Variants in ZNF615 observed in about 807,000 individuals in gnomAD.
The protein encoded by ZNF615 is zinc finger protein 615.
A neutral mutation model predicts 15.3 loss-of-function variants in ZNF615; 15 were observed. The ratio of observed to expected loss-of-function variants is 0.98; its 90% CI spans 0.66 to 1.51. ZNF615 has a LOEUF of 1.51. Among genes scored for constraint, ZNF615 ranks in the 40% most tolerant of loss-of-function variants. The pLI is 0.00. For synonymous variants in ZNF615, 268 were observed against 294.6 expected, an observed-to-expected ratio of 0.91 and a Z score of 0.92; for missense variants, 848 against 895.9, an observed-to-expected ratio of 0.95 and a Z score of 0.68.
Position 52,003,814 on chromosome 19 carries a change from G to C in ZNF615, c.-103C>G. ...TTCAAAAACTTCAATCTCCAATCAA[G>C]GATGTCCCCAGAAATGATGACACCC... is the stretch of plus-strand genomic sequence containing the variant. On this transcript the variant is annotated 5_prime_UTR_variant, in exon 3 of 7. Coordinates refer to ENST00000598071, the MANE Select transcript of ZNF615 (RefSeq NM_001199324.2). The C allele has an allele frequency of 6.4e-7, 1 of 1,573,868 alleles. No homozygotes were observed. The highest frequency in any genetic ancestry group is 1.2e-5 in the South Asian group (1 of 83,700).
chr19:52,002,281 C>T lies in ZNF615; in HGVS notation c.16G>A (p.Glu6Lys). The change falls in exon 4 of 7, where the codon GAA (glutamate) becomes AAA (lysine). Residue 6 changes from glutamate to lysine, a missense_variant and splice_region_variant. Transcript: ENST00000598071. MMQAQ[E>K]SLTLEDVAVD... ...GCCACATCCTCCAGTGTTAGGGATT[C>T]CTGTAATAACACACTTCTGTTTAAT... 6.2e-7 allele frequency: 1 copy of T among 1,614,100 alleles called. No individual in the cohort carries two copies. Among genetic ancestry groups the T allele is most frequent in the Non-Finnish European group, 8.5e-7 (1 of 1,179,978 alleles).
Position 51,996,402 on chromosome 19 carries a change from A to AAAAAAAAAAAAAAC in ZNF615, c.272-1566_272-1565insGTTTTTTTTTTTTT, listed in dbSNP as rs1555771241. Among the ~76,000 whole-genome samples, 77 of 134,344 alleles carry AAAAAAAAAAAAAAC rather than the reference A, an allele frequency of 5.7e-4. 4 individuals are homozygous for AAAAAAAAAAAAAAC. The highest frequency in any genetic ancestry group is 1.0e-3 in the South Asian group (4 of 3,878). 88.1% of individuals were successfully genotyped at this position (134,344 alleles called of 152,430 possible). On this transcript the variant is annotated intron_variant, in intron 6 of 6. Coordinates refer to ENST00000598071, the MANE Select transcript of ZNF615 (RefSeq NM_001199324.2). ...CTCTGTCTCAAAAAAAAAAAAAAAA[A>AAAAAAAAAAAAAAC]AAAAAACGCAAAACTATATGGCTTC...
Position 51,993,971 on chromosome 19 carries a change from C to T in ZNF615, c.1138G>A (p.Glu380Lys). 1 of 1,612,420 alleles carries T rather than the reference C, an allele frequency of 6.2e-7. No individual in the cohort carries two copies. The highest frequency in any genetic ancestry group is 1.1e-5 in the South Asian group (1 of 90,802). ...LTAHHRTHTG[E>K]KPFICNKCGK... is the part of the protein sequence containing the mutation. ...CATTTATTGCATATAAAGGGTTTCT[C>T]ACCAGTATGAGTTCGATGATGTGCA... is the stretch of plus-strand genomic sequence containing the variant. Residue 380 changes from glutamate to lysine, a missense_variant, in exon 7 of 7, where the codon GAG (glutamate) becomes AAG (lysine). Coordinates refer to ENST00000598071, the MANE Select transcript of ZNF615 (RefSeq NM_001199324.2).
intron 6 of ZNF615, among the ~76,000 whole-genome samples, chr19:51,999,172 T>C (rs978618697): frequency 2.0e-4 from 31 of 152,202 alleles, no homozygotes; most frequent in Non-Finnish European, 2.4e-4. Flanking sequence ...ACCAAATTTA[T>C]ATTCTGAAAG....
intron 6 of ZNF615, among the ~76,000 whole-genome samples, chr19:51,996,873 T>C (rs1486002485): frequency 2.0e-5 from 3 of 152,240 alleles, no homozygotes; most frequent in Non-Finnish European, 4.4e-5. Flanking sequence ...TGAAAATTGC[T>C]AAAATAGATT....
intron 2 of ZNF615, 94 bp from the exon 3 acceptor site, chr19:52,003,994 A>C: frequency 1.2e-6 from 1 of 822,592 alleles, no homozygotes; most frequent in Non-Finnish European, 1.6e-6. Context: ...GCCCCCAAAT[A>C]TCTCTCTGTT....
intron 3 of ZNF615, among the ~76,000 whole-genome samples, chr19:52,002,904 G>A (rs529588998): frequency 1.3e-5 from 2 of 151,014 alleles, no homozygotes; most frequent in South Asian, 2.1e-4. Context: ...TCGGCTCACT[G>A]CAACTTCTGC....
At position 51,993,545 on chromosome 19, in the gene ZNF615, G is replaced by GT; in HGVS notation, c.1563dup (p.Pro522ThrfsTer6). On this transcript the variant is annotated frameshift_variant, in exon 7 of 7. Transcript: ENST00000598071. LOFTEE classifies it low-confidence loss of function (END_TRUNC). ...TTTCCACACTCACCACATACATAGG[G>GT]TTTTTCTCCAGTATGAGTTCGCTGA... is the stretch of plus-strand genomic sequence containing the variant. 2 of 1,613,620 alleles carry GT rather than the reference G, an allele frequency of 1.2e-6. No individual in the cohort carries two copies. The highest frequency in any genetic ancestry group is 1.7e-6 in the Non-Finnish European group (2 of 1,179,952).
Position 51,998,843 on chromosome 19 carries a change from C to T in ZNF615, c.271+1503G>A, listed in dbSNP as rs566230394. 1.5e-4 allele frequency among the ~76,000 whole-genome samples: 23 copies of T among 152,154 alleles called. No homozygotes were observed. The South Asian group carries it at 3.9e-3, about 26-fold the overall frequency. ...CTAATTTTTGTATTTTTAGTAGAAA[C>T]GGGGTTTCACCATGTTGGCCAGGCT... On this transcript the variant is annotated intron_variant, in intron 6 of 6. Coordinates refer to ENST00000598071, the MANE Select transcript of ZNF615 (RefSeq NM_001199324.2).
intron 6 of ZNF615, among the ~76,000 whole-genome samples, chr19:51,996,011 G>T (rs930320252): frequency 6.6e-6 from 1 of 152,168 alleles, no homozygotes; most frequent in South Asian, 2.1e-4. Flanking sequence ...TATAGTTAAA[G>T]AAATGACAAG....
chr19:51,999,941 A>G (rs1047129535), intron 6 of ZNF615, among the ~76,000 whole-genome samples: 5 of 152,236 alleles, frequency 3.3e-5, no homozygotes, highest in Non-Finnish European at 7.3e-5. Flanking sequence ...GACAGCCTGC[A>G]GCACGATTCA....
chr19:52,004,725 T>G (rs188221369), intron 2 of ZNF615: 34 of 152,244 alleles, frequency 2.2e-4, no homozygotes, highest in African/African-American at 8.2e-4. Context: ...CAAAGTATTC[T>G]AAGTATAAAT....
In ZNF615 at chr19:51,992,998, G is replaced by T; in HGVS notation, c.2111C>A (p.Ser704Ter). The T allele has an allele frequency of 1.2e-6, 2 of 1,614,160 alleles. No homozygotes were observed. The highest frequency in any genetic ancestry group is 2.2e-5 in the South Asian group (2 of 91,090). Residue 704 changes from serine (S) to a stop codon, truncating the protein, a stop_gained, in exon 7 of 7, where the codon TCA becomes TAA. Transcript: ENST00000598071. LOFTEE classifies it low-confidence loss of function (END_TRUNC). The stretch of plus-strand genomic sequence containing the variant: ...TTTTCTTTGATGAACATTGAGCCCT[G>T]ATTTTGTAGTGAAGGCTTTCCCGCA... ...SDCGKAFTTK[S>*]GLNVHQRKHT...
At position 51,992,787 on chromosome 19, in the gene ZNF615, A is replaced by G. The variant is rs1226376533; in HGVS notation, c.*93T>C. The G allele has an allele frequency of 2.9e-6, 4 of 1,389,466 alleles. No individual in the cohort carries two copies. The highest frequency in any genetic ancestry group is 3.9e-6 in the Non-Finnish European group (4 of 1,020,550). The allele number at this position is 1,389,466 out of a possible 1,614,324, so 86.1% of individuals were successfully genotyped here. On this transcript the variant is annotated 3_prime_UTR_variant, in exon 7 of 7. Transcript: ENST00000598071. ...ACAAAACATGAAGTAACTGATCACT[A>G]AATAAACAACCATGTAGTCTGCATT...
chr19:52,001,472 G>C (rs1251309057), intron 5 of ZNF615, among the ~76,000 whole-genome samples: 4 of 151,960 alleles, frequency 2.6e-5, no homozygotes, highest in Non-Finnish European at 1.5e-5. Context: ...ACAAAAATTA[G>C]CTGGGCGTGG....
Position 51,993,599 on chromosome 19 carries a change from A to C in ZNF615, c.1510T>G (p.Phe504Val). 6.2e-7 allele frequency: 1 copy of C among 1,614,122 alleles called. No individual in the cohort carries two copies. Among genetic ancestry groups the C allele is most frequent in the Non-Finnish European group, 8.5e-7 (1 of 1,180,030 alleles). ...PYICNDCGKG[F>V]TVKSRLIVHQ... ...ACAATAAGGCGGCTCTTCACAGTGA[A>C]GCCTTTTCCACAATCATTGCATATA... The change falls in exon 7 of 7, where the codon TTC (phenylalanine) becomes GTC (valine). Residue 504 changes from phenylalanine to valine, a missense_variant. Transcript: ENST00000598071.
At chr19:52,004,091 A>G (rs750778162) in intron 2 of ZNF615, among the ~76,000 whole-genome samples, 191 bp from the exon 3 acceptor site, 6 of 152,208 alleles carry the variant, frequency 3.9e-5, no homozygotes, top group Non-Finnish European at 8.8e-5. Context: ...ACCCTTCTAT[A>G]TAAAGTTGAC....
chr19:52,005,834 A>G (rs1021965213), intron 2 of ZNF615, among the ~76,000 whole-genome samples: 3 of 152,238 alleles, frequency 2.0e-5, no homozygotes, highest in African/African-American at 4.8e-5. Flanking sequence ...AAATAATCAA[A>G]GATGACTTTT....
intron 1 of ZNF615, chr19:52,007,815 C>G (rs973856788): frequency 6.2e-6 from 2 of 320,784 alleles, no homozygotes; most frequent in Non-Finnish European, 1.2e-5. Context: ...TGAGCCCCGC[C>G]AAAGGACAAC....
Sources: gnomAD v4.1 joint callset for allele counts (sites outside exome capture counted in the v4.1 genomes callset) on GRCh38, gnomAD v4.1.1 for gene constraint, MANE v1.5 for transcripts, NCBI Gene and HGNC (gene_info 2026-07-23, HGNC 2026-07-21) for gene names.